The following EIF4G3 variants were observed in gnomAD, a reference collection of about 807,000 sequenced individuals.
EIF4G3 encodes the protein eIF-4-gamma 3.
In EIF4G3, 34 loss-of-function variants were observed where a neutral mutation model predicts 186.4. The ratio of observed to expected loss-of-function variants is 0.18; its 90% CI spans 0.14 to 0.24. EIF4G3 has a LOEUF of 0.24. Among genes scored for constraint, EIF4G3 ranks in the 10% least tolerant of loss-of-function variants. The pLI, the probability that EIF4G3 is intolerant of heterozygous loss-of-function variation, is 1.00. For synonymous variants in EIF4G3, 673 were observed against 679.5 expected, an observed-to-expected ratio of 0.99 and a Z score of 0.15; for missense variants, 1,536 against 1,948.5, an observed-to-expected ratio of 0.79 and a Z score of 3.99.
intron 3 of EIF4G3, among the ~76,000 whole-genome samples, chr1:21,066,045 C>T: frequency 6.6e-6 from 1 of 152,028 alleles, no homozygotes; most frequent in East Asian, 1.9e-4. Flanking sequence ...GAGGTTGTGG[C>T]TACTCAAGAG....
chr1:20,829,360 A>C, intron 30 of EIF4G3, 88 bp from the exon 31 acceptor site: 4 of 1,446,398 alleles, frequency 2.8e-6, no homozygotes, highest in Non-Finnish European at 3.8e-6. Flanking sequence ...GTCAACAAAT[A>C]CATATTAATC....
At chr1:20,970,043 A>T (rs1569910442) in intron 11 of EIF4G3, among the ~76,000 whole-genome samples, 1 of 152,086 alleles carries the variant, frequency 6.6e-6, no homozygotes, top group South Asian at 2.1e-4. Flanking sequence ...GGCTCACTGC[A>T]ATCTCCGCCA....
In EIF4G3 at chr1:20,827,707, G is replaced by T. The variant is rs779521367; in HGVS notation, c.4188-9C>A. 3 of 1,578,602 alleles carry T rather than the reference G, an allele frequency of 1.9e-6. No individual in the cohort carries two copies. Among genetic ancestry groups the T allele is most frequent in the Non-Finnish European group, 2.6e-6 (3 of 1,148,614 alleles). The stretch of plus-strand genomic sequence containing the variant: ...AAGGTTTGCTAAATTCTCTGTAAAA[G>T]ATAGGAGCAGTGATTAAGTATCTCT... On this transcript the variant is annotated splice_polypyrimidine_tract_variant and intron_variant, in intron 31 of 36. Transcript: ENST00000602326.
intron 3 of EIF4G3, among the ~76,000 whole-genome samples, chr1:21,072,148 T>A (rs1053755237): frequency 2.0e-5 from 3 of 152,200 alleles, no homozygotes; most frequent in African/African-American, 7.2e-5. Flanking sequence ...AGTAGTTTAT[T>A]AAAGGAGTTT....
chr1:20,962,077 T>C (rs578070542), intron 12 of EIF4G3, among the ~76,000 whole-genome samples: 2 of 152,292 alleles, frequency 1.3e-5, no homozygotes, highest in African/African-American at 4.8e-5. Context: ...TATTAACATA[T>C]AACATGAATA....
At chr1:21,102,961 C>T (rs1485449539) in intron 2 of EIF4G3, among the ~76,000 whole-genome samples, 2 of 152,076 alleles carry the variant, frequency 1.3e-5, no homozygotes, top group Non-Finnish European at 2.9e-5. Context: ...TTTACTAGTA[C>T]TAAAAATTTA....
chr1:20,915,514 G>A (rs1259977134), intron 14 of EIF4G3, among the ~76,000 whole-genome samples: 1 of 148,852 alleles, frequency 6.7e-6, no homozygotes, highest in African/African-American at 2.5e-5. Context: ...GAACAATACA[G>A]AAAAAGAAAA....
intron 3 of EIF4G3, among the ~76,000 whole-genome samples, chr1:21,051,736 A>C (rs1433526625): frequency 6.6e-6 from 1 of 152,144 alleles, no homozygotes; most frequent in African/African-American, 2.4e-5. Flanking sequence ...GGTGGCATCC[A>C]CCTGTAGAAA....
At chr1:20,853,278 A>C (rs964694000) in intron 27 of EIF4G3, among the ~76,000 whole-genome samples, 4 of 152,156 alleles carry the variant, frequency 2.6e-5, no homozygotes, top group African/African-American at 4.8e-5. Context: ...GTGCTTCTAG[A>C]ACATCTGGAG....
intron 2 of EIF4G3, among the ~76,000 whole-genome samples, chr1:21,152,854 TAC>T (rs2097574676): frequency 6.6e-6 from 1 of 152,134 alleles, no homozygotes; most frequent in Non-Finnish European, 1.5e-5. Flanking sequence ...AAGCACGATG[TAC>T]ACACTCTGTC....
At chr1:20,999,239 A>G in intron 6 of EIF4G3, 1 of 272,864 alleles carries the variant, frequency 3.7e-6, no homozygotes, top group East Asian at 9.2e-5. Context: ...AATATAATAT[A>G]GTTTTTCAGA....
chr1:20,829,453 GA>G (rs1313867726), intron 30 of EIF4G3, among the ~76,000 whole-genome samples, 181 bp from the exon 31 acceptor site: 2 of 152,076 alleles, frequency 1.3e-5, no homozygotes, highest in African/African-American at 2.4e-5. Context: ...TAGCGTGGGG[GA>G]AAAAGACTAG....
chr1:20,822,641 C>G (rs1203373352), intron 33 of EIF4G3, among the ~76,000 whole-genome samples: 1 of 142,808 alleles, frequency 7.0e-6, no homozygotes. Flanking sequence ...GGGCTGGTCT[C>G]TCAAGCTCCT....
At chr1:20,889,893 C>A (rs759823395) in intron 18 of EIF4G3, among the ~76,000 whole-genome samples, 2 of 152,122 alleles carry the variant, frequency 1.3e-5, no homozygotes, top group Non-Finnish European at 2.9e-5. Flanking sequence ...TTGAAAACTA[C>A]GTAGCTGCAT....
At chr1:20,940,761 T>C (rs7531492) in intron 14 of EIF4G3, among the ~76,000 whole-genome samples, 5,179 of 152,290 alleles carry the variant, frequency 0.034, 297 homozygotes, top group African/African-American at 0.12. Context: ...TATCCTAGAA[T>C]AGCTGATAAG....
At chr1:20,911,752 G>GT (rs1193332606) in intron 14 of EIF4G3, among the ~76,000 whole-genome samples, 1 of 151,750 alleles carries the variant, frequency 6.6e-6, no homozygotes, top group Non-Finnish European at 1.5e-5. Context: ...CAAGTAAGTT[G>GT]TAAGAGTTTA....
At position 21,153,562 on chromosome 1, in the gene EIF4G3, G is replaced by T. The variant is rs943790986; in HGVS notation, c.-272+22613C>A. Among the ~76,000 whole-genome samples the T allele has an allele frequency of 5.3e-5, 8 of 151,730 alleles. No homozygotes were observed. The East Asian group carries it at 1.2e-3, about 22-fold the overall frequency. ...AATTTGTGAGATGCAGCTTTTTTTT[G>T]TTTGTTTGTTTGTTTGAGACGGAGT... On this transcript the variant is annotated intron_variant, in intron 2 of 36. Transcript: ENST00000602326.
At chr1:21,041,090 A>G (rs2093551063) in intron 4 of EIF4G3, among the ~76,000 whole-genome samples, 1 of 152,174 alleles carries the variant, frequency 6.6e-6, no homozygotes. Flanking sequence ...AAACTCCTTT[A>G]AATTTAATTC....
intron 33 of EIF4G3, among the ~76,000 whole-genome samples, chr1:20,821,616 T>C (rs766247647): frequency 2.0e-5 from 3 of 151,256 alleles, no homozygotes; most frequent in Non-Finnish European, 4.4e-5. Context: ...TACATCACCA[T>C]CTTCCCTATT....
Sources: gnomAD v4.1 joint callset for allele counts (sites outside exome capture counted in the v4.1 genomes callset) on GRCh38, gnomAD v4.1.1 for gene constraint, MANE v1.5 for transcripts, NCBI Gene and HGNC (gene_info 2026-07-23, HGNC 2026-07-21) for gene names.